PTPRA: variants seen among roughly 807,000 people sequenced by gnomAD.
PTPRA encodes protein tyrosine phosphatase receptor type A.
Under a neutral mutation model 104.8 loss-of-function variants are expected in PTPRA, and 25 were observed. The observed-to-expected ratio is 0.24, with a 90% CI of 0.17 to 0.33. The LOEUF (loss-of-function observed/expected upper bound fraction) is 0.33, where lower values mean the gene tolerates loss of function less well. PTPRA is among the 10% of genes least tolerant of loss of function. PTPRA has a pLI of 1.00. For missense variants in PTPRA, 765 were observed against 1,015.3 expected, an observed-to-expected ratio of 0.75 and a Z score of 3.35; for synonymous variants, 323 against 368.9, an observed-to-expected ratio of 0.88 and a Z score of 1.43.
intron 7 of PTPRA, 95 bp downstream of exon 7, chr20:2,986,944 A>G: frequency 2.7e-6 from 3 of 1,104,898 alleles, no homozygotes; most frequent in Non-Finnish European, 4.1e-6. Context: ...TAGGATATAC[A>G]CAATGAATAG....
intron 20 of PTPRA, among the ~76,000 whole-genome samples, chr20:3,033,957 C>T (rs988614748): frequency 1.3e-5 from 2 of 150,718 alleles, no homozygotes; most frequent in African/African-American, 4.9e-5. Flanking sequence ...AGAGAAAATC[C>T]GCCCATGTAT....
intron 11 of PTPRA, 51 bp downstream of exon 11, chr20:3,007,471 A>G (rs1284962119): frequency 6.5e-7 from 1 of 1,531,762 alleles, no homozygotes; most frequent in African/African-American, 1.4e-5. Flanking sequence ...CATTGCCACT[A>G]TCTGTTGGCT....
At chr20:2,899,681 G>C (rs2059153681) in intron 1 of PTPRA, among the ~76,000 whole-genome samples, 1 of 152,190 alleles carries the variant, frequency 6.6e-6, no homozygotes, top group South Asian at 2.1e-4. Context: ...ATATAGGTAT[G>C]TATGCATGTC....
chr20:2,864,900 G>A, the PTPRA span: 3 of 1,588,534 alleles, frequency 1.9e-6, no homozygotes, highest in Non-Finnish European at 2.6e-6. The surrounding 1 kb of genome is among the most constrained non-coding windows in gnomAD (Gnocchi z 5.2). Flanking sequence ...CAGGGATGGG[G>A]GAGAAGACTG....
At chr20:2,880,181 C>A (rs1008187839) in intron 1 of PTPRA, among the ~76,000 whole-genome samples, 1 of 152,164 alleles carries the variant, frequency 6.6e-6, no homozygotes, top group African/African-American at 2.4e-5. Context: ...TTAAAAAGTT[C>A]ACTGTGGCTG....
intron 1 of PTPRA, among the ~76,000 whole-genome samples, chr20:2,897,869 G>A (rs2059071584): frequency 6.7e-6 from 1 of 150,174 alleles, no homozygotes; most frequent in South Asian, 2.1e-4. Flanking sequence ...ACCCTTTCAG[G>A]CTGGCTCCTG....
rs2062853194 is a variant in PTPRA, at chr20:2,985,307, T to C, written c.443-1458T>C. On this transcript the variant is annotated intron_variant, in intron 6 of 23. Transcript: ENST00000399903. ...AATTAGACAAGACGAATTAGACAAC[T>C]GTGTTTCGGAAAGTCAGCTGAGAAG... 2.0e-5 allele frequency among the ~76,000 whole-genome samples: 3 copies of C among 152,260 alleles called. No individual in the cohort carries two copies. In the South Asian group the frequency reaches 6.2e-4, roughly 32 times the overall value.
chr20:2,925,982 C>G (rs1468997621), intron 2 of PTPRA, among the ~76,000 whole-genome samples: 1 of 152,136 alleles, frequency 6.6e-6, no homozygotes, highest in African/African-American at 2.4e-5. Flanking sequence ...TTTCACAGTA[C>G]TGCATCATTT....
intron 5 of PTPRA, among the ~76,000 whole-genome samples, chr20:2,969,282 C>G (rs1253010098): frequency 1.3e-5 from 2 of 150,426 alleles, no homozygotes; most frequent in Admixed American, 6.6e-5. Context: ...CAGTCTCACC[C>G]TGTCGCCCAG....
intron 1 of PTPRA, among the ~76,000 whole-genome samples, chr20:2,899,982 C>T (rs1419777643): frequency 2.6e-5 from 4 of 151,916 alleles, no homozygotes; most frequent in East Asian, 1.9e-4. Flanking sequence ...TAGTAGTGGT[C>T]GCCTGTAATC....
At chr20:2,886,927 A>G (rs1347987056) in intron 1 of PTPRA, among the ~76,000 whole-genome samples, 1 of 152,144 alleles carries the variant, frequency 6.6e-6, no homozygotes, top group Non-Finnish European at 1.5e-5. Flanking sequence ...TAATTTTCAA[A>G]AGTATATCAC....
chr20:2,984,281 A>G (rs962441), intron 6 of PTPRA, among the ~76,000 whole-genome samples: 4,307 of 152,154 alleles, frequency 0.028, 182 homozygotes, highest in African/African-American at 0.085. Flanking sequence ...GCATCCCTTA[A>G]TGTTAAAAGT....
chr20:2,866,474 A>T, the PTPRA span: 1 of 1,614,052 alleles, frequency 6.2e-7, no homozygotes, highest in Non-Finnish European at 8.5e-7. Context: ...CACCGGAATG[A>T]GGCTGAGCTG....
chr20:2,956,653 A>G (rs2061545595), intron 3 of PTPRA, among the ~76,000 whole-genome samples: 1 of 125,788 alleles, frequency 7.9e-6, no homozygotes, highest in Admixed American at 8.9e-5. Context: ...ACCCTGTCTC[A>G]GTAAATAAAA....
chr20:3,032,152 T>C (rs1245606677), intron 20 of PTPRA, among the ~76,000 whole-genome samples: 1 of 152,170 alleles, frequency 6.6e-6, no homozygotes, highest in East Asian at 1.9e-4. Context: ...ACTGTCATCC[T>C]CCCACCCCCA....
chr20:3,024,239 G>A lies in PTPRA; in HGVS notation c.1465-233G>A, dbSNP rs1228782535. 5.9e-5 allele frequency among the ~76,000 whole-genome samples: 9 copies of A among 152,164 alleles called. No individual in the cohort carries two copies. The South Asian group carries it at 6.2e-4, about 11-fold the overall frequency. ...ATTGAGTTTGTCCTTCTCTCCAGGCGTCCACCACCCCCAAGATAGACCTGG... is the reference window on the plus strand; with the variant it reads ...ATTGAGTTTGTCCTTCTCTCCAGGCATCCACCACCCCCAAGATAGACCTGG... On this transcript the variant is annotated intron_variant, in intron 16 of 23. Coordinates refer to ENST00000399903, the MANE Select transcript of PTPRA (RefSeq NM_001385305.1).
intron 11 of PTPRA, among the ~76,000 whole-genome samples, chr20:3,013,155 C>CG (rs919541699): frequency 3.1e-4 from 45 of 147,026 alleles, no homozygotes; most frequent in African/African-American, 7.3e-4. Flanking sequence ...ATTCTCACCC[C>CG]CCGGCCATCA....
intron 13 of PTPRA, among the ~76,000 whole-genome samples, chr20:3,018,953 C>T (rs1212790975): frequency 7.7e-6 from 1 of 129,110 alleles, no homozygotes; most frequent in African/African-American, 3.0e-5. Context: ...CCTCACCTCC[C>T]GGACGGGGCG....
intron 11 of PTPRA, among the ~76,000 whole-genome samples, chr20:3,011,695 TGTCCATTGGA>T (rs1188858281): frequency 1.3e-5 from 2 of 152,228 alleles, no homozygotes; most frequent in African/African-American, 4.8e-5. Flanking sequence ...ATGTCAAGTG[TGTCCATTGGA>T]GTTCTTACTT....
Sources: gnomAD v4.1 joint callset for allele counts (sites outside exome capture counted in the v4.1 genomes callset) on GRCh38, gnomAD v4.1.1 for gene constraint, Gnocchi (gnomAD v3.1) non-coding constraint, MANE v1.5 for transcripts, NCBI Gene and HGNC (gene_info 2026-07-23, HGNC 2026-07-21) for gene names.